The following SNX6 variants were observed in gnomAD, a reference collection of about 807,000 sequenced individuals.
SNX6 encodes the protein sorting nexin-6.
In SNX6, 34 loss-of-function variants were observed where a neutral mutation model predicts 63.0. That is an observed-to-expected ratio of 0.54 (90% CI 0.41 to 0.72). The LOEUF (loss-of-function observed/expected upper bound fraction) is 0.72. SNX6 is among the 30% of genes least tolerant of loss of function. The probability of loss-of-function intolerance (pLI) is 0.00; values close to 1 mark genes in which losing one functional copy is unlikely to be tolerated. For missense variants in SNX6, 398 were observed against 471.4 expected, an observed-to-expected ratio of 0.84 and a Z score of 1.44; for synonymous variants, 170 against 164.2, an observed-to-expected ratio of 1.04 and a Z score of -0.27.
Position 34,609,731 on chromosome 14 carries a change from T to C in SNX6, c.66A>G (p.Ile22Met). 2 of 1,608,088 alleles carry C rather than the reference T, an allele frequency of 1.2e-6. No individual in the cohort carries two copies. Among genetic ancestry groups the C allele is most frequent in the Non-Finnish European group, 1.7e-6 (2 of 1,176,094 alleles). ...LSEEDRGLKA[I>M]NVDLQSDAAL... ...CAGCATCACTTTGAAGATCTACATT[T>C]ATTGCTTTAAGCTAGAAAAAGAAAA... Residue 22 changes from isoleucine to methionine, a missense_variant, in exon 3 of 14, where the codon ATA becomes ATG. Ile to Met is a conservative substitution (Grantham distance 10). Transcript: ENST00000362031.
intron 10 of SNX6, among the ~76,000 whole-genome samples, chr14:34,578,910 G>C (rs1053088452): frequency 9.1e-6 from 1 of 109,480 alleles, no homozygotes; most frequent in Non-Finnish European, 1.7e-5. Flanking sequence ...CTGCACTCCA[G>C]CCTGGCGACA....
At chr14:34,587,693 A>T (rs77527971) in intron 8 of SNX6, among the ~76,000 whole-genome samples, 1 of 151,900 alleles carries the variant, frequency 6.6e-6, no homozygotes, top group African/African-American at 2.4e-5. Context: ...GCACGGTGGC[A>T]TGATCACGGC....
At chr14:34,568,291 C>T (rs1023236530) in intron 11 of SNX6, among the ~76,000 whole-genome samples, 2 of 150,398 alleles carry the variant, frequency 1.3e-5, no homozygotes, top group Non-Finnish European at 2.9e-5. Flanking sequence ...AGTGCAGTGG[C>T]GCGATCTCAG....
chr14:34,570,983 A>G (rs1881426622), intron 11 of SNX6, among the ~76,000 whole-genome samples: 1 of 150,988 alleles, frequency 6.6e-6, no homozygotes, highest in Middle Eastern at 3.4e-3. Flanking sequence ...TTGGCTTCCC[A>G]AAGTACTGGG....
chr14:34,565,112 C>G lies in SNX6; in HGVS notation c.1168-1937G>C, dbSNP rs540560685. Among the ~76,000 whole-genome samples, 800 of 143,558 alleles carry G rather than the reference C, an allele frequency of 5.6e-3. 3 individuals are homozygous for G. Among genetic ancestry groups the G allele is most frequent in the African/African-American group, 0.02 (758 of 38,348 alleles). The allele number at this position is 143,558 out of a possible 152,430, so 94.2% of individuals were successfully genotyped here. A position where few individuals can be genotyped will look rare whatever the true frequency, so the allele number is the denominator to read the frequency against. On this transcript the variant is annotated intron_variant, in intron 13 of 13. Coordinates refer to ENST00000362031, the MANE Select transcript of SNX6 (RefSeq NM_152233.4). ...TTTTTTTTGGAGAAGGAGTCTTGCT[C>G]TGTCACCCAGGCTGGACTGCAGTGG...
At chr14:34,587,285 C>T (rs1017485807) in intron 8 of SNX6, among the ~76,000 whole-genome samples, 6 of 151,626 alleles carry the variant, frequency 4.0e-5, no homozygotes, top group Non-Finnish European at 7.4e-5. Context: ...GTAATCCCAG[C>T]ACTTTGGGAG....
intron 4 of SNX6, among the ~76,000 whole-genome samples, chr14:34,607,237 C>T (rs1023972134): frequency 6.6e-6 from 1 of 152,032 alleles, no homozygotes; most frequent in Non-Finnish European, 1.5e-5. Flanking sequence ...AAGGTGGTAA[C>T]GAAACATGTT....
chr14:34,568,624 C>T (rs1019462165), intron 11 of SNX6: 1 of 680,162 alleles, frequency 1.5e-6, no homozygotes, highest in East Asian at 2.9e-5. Flanking sequence ...TGAGCCACTG[C>T]ACTCAGCCTG....
chr14:34,574,513 G>A (rs1231976005), intron 11 of SNX6, among the ~76,000 whole-genome samples: 1 of 151,076 alleles, frequency 6.6e-6, no homozygotes. Flanking sequence ...AGCTGGGTGT[G>A]GTGGCACAAG....
At chr14:34,605,762 T>G (rs1882992246) in intron 4 of SNX6, 45 bp from the exon 5 acceptor site, 1 of 1,581,446 alleles carries the variant, frequency 6.3e-7, no homozygotes, top group Non-Finnish European at 8.5e-7. Flanking sequence ...TTTTCATTTC[T>G]TGAAGCATTG....
intron 9 of SNX6, among the ~76,000 whole-genome samples, chr14:34,583,106 A>C (rs1358085041): frequency 6.6e-6 from 1 of 152,084 alleles, no homozygotes; most frequent in Non-Finnish European, 1.5e-5. Flanking sequence ...GGAGATCGAG[A>C]CCATCCTGGG....
At chr14:34,628,110 A>C (rs1451717271) in intron 2 of SNX6, among the ~76,000 whole-genome samples, 3 of 152,104 alleles carry the variant, frequency 2.0e-5, no homozygotes, top group Admixed American at 2.0e-4. Context: ...CAGGAGGATC[A>C]CTTAGGCCCA....
intron 6 of SNX6, among the ~76,000 whole-genome samples, chr14:34,602,368 G>C (rs1882848336): frequency 6.6e-6 from 1 of 151,782 alleles, no homozygotes; most frequent in African/African-American, 2.4e-5. Context: ...AGAGGTTGTG[G>C]GTGAGCTGAG....
intron 6 of SNX6, among the ~76,000 whole-genome samples, chr14:34,600,427 T>C (rs931871431): frequency 6.6e-6 from 1 of 151,178 alleles, no homozygotes; most frequent in South Asian, 2.1e-4. Context: ...ACCCGGCATT[T>C]TTCTTTCTTC....
intron 7 of SNX6, among the ~76,000 whole-genome samples, chr14:34,593,569 C>T (rs905221187): frequency 1.4e-5 from 2 of 145,034 alleles, no homozygotes; most frequent in Non-Finnish European, 1.5e-5. Flanking sequence ...CAGCTAATTT[C>T]TTTTCTTTTT....
At chr14:34,613,022 G>A (rs1296190675) in intron 2 of SNX6, among the ~76,000 whole-genome samples, 2 of 132,152 alleles carry the variant, frequency 1.5e-5, no homozygotes, top group East Asian at 2.5e-4. Context: ...GCACTCCAGT[G>A]ACAGAGTGAG....
intron 2 of SNX6, among the ~76,000 whole-genome samples, chr14:34,616,528 C>G (rs1883425218): frequency 6.6e-6 from 1 of 152,042 alleles, no homozygotes; most frequent in South Asian, 2.1e-4. Flanking sequence ...CATCACCATG[C>G]CCAGCTAATT....
intron 13 of SNX6, among the ~76,000 whole-genome samples, chr14:34,564,184 C>G (rs900199259): frequency 1.3e-5 from 2 of 151,062 alleles, no homozygotes; most frequent in African/African-American, 4.9e-5. Context: ...CGTGCCACCA[C>G]GCTGGCTAAT....
At chr14:34,583,826 A>C (rs1378805431) in intron 9 of SNX6, among the ~76,000 whole-genome samples, 3 of 148,290 alleles carry the variant, frequency 2.0e-5, no homozygotes, top group African/African-American at 7.4e-5. Flanking sequence ...CCTGATAAGA[A>C]GAATTAACTC....
Sources: allele counts gnomAD v4.1 joint callset (sites outside exome capture counted in the v4.1 genomes callset), GRCh38; gene constraint gnomAD v4.1.1; transcripts MANE v1.5; gene names NCBI Gene and HGNC (gene_info 2026-07-23, HGNC 2026-07-21).